The following AIG1 variants were observed in gnomAD, a reference collection of about 807,000 sequenced individuals.
AIG1 encodes androgen-induced gene 1 protein.
Under a neutral mutation model 31.4 loss-of-function variants are expected in AIG1, and 23 were observed. That is an observed-to-expected ratio of 0.73 (90% CI 0.53 to 1.04). AIG1 has a LOEUF of 1.04. Among genes scored for constraint, AIG1 ranks in the 50% least tolerant of loss-of-function variants. The probability of loss-of-function intolerance (pLI) is 0.00; values close to 1 mark genes in which losing one functional copy is unlikely to be tolerated. For missense variants in AIG1, 274 were observed against 295.0 expected (o/e 0.93, Z 0.52); for synonymous variants, 100 against 110.5 (o/e 0.90, Z 0.60).
intron 3 of AIG1, among the ~76,000 whole-genome samples, chr6:143,224,687 A>G (rs1172216752): frequency 3.9e-5 from 6 of 152,176 alleles, no homozygotes; most frequent in Non-Finnish European, 7.4e-5. Flanking sequence ...GTAATGTAGT[A>G]GGTCCTCAAT....
intron 2 of AIG1, among the ~76,000 whole-genome samples, chr6:143,140,571 C>G (rs889653638): frequency 8.5e-5 from 13 of 152,160 alleles, no homozygotes; most frequent in African/African-American, 2.7e-4. Flanking sequence ...CTCCCTGGAG[C>G]AATGCCACAA....
chr6:143,068,608 T>C (rs1486648243), intron 1 of AIG1, among the ~76,000 whole-genome samples: 18 of 152,198 alleles, frequency 1.2e-4, no homozygotes, highest in Admixed American at 1.2e-3. Flanking sequence ...AAAATTAATT[T>C]CAAAAGCGAT....
chr6:143,106,557 C>A (rs1780824886), intron 1 of AIG1, among the ~76,000 whole-genome samples: 1 of 152,162 alleles, frequency 6.6e-6, no homozygotes, highest in Non-Finnish European at 1.5e-5. Flanking sequence ...ACTTAGGCCT[C>A]CCCAAAATAT....
intron 3 of AIG1, among the ~76,000 whole-genome samples, chr6:143,181,798 G>T (rs1243832123): frequency 6.6e-6 from 1 of 151,582 alleles, no homozygotes; most frequent in African/African-American, 2.4e-5. Context: ...AAGAGAAAAA[G>T]AAGGATAGTA....
chr6:143,260,629 G>T (rs892872385), intron 3 of AIG1, among the ~76,000 whole-genome samples: 3 of 152,172 alleles, frequency 2.0e-5, no homozygotes, highest in African/African-American at 7.2e-5. Flanking sequence ...CTTACCTTGT[G>T]CCAGGTACTG....
chr6:143,293,548 A>C lies in AIG1; in HGVS notation c.515+9323A>C, dbSNP rs752744144. Among the ~76,000 whole-genome samples, 4 of 152,146 alleles carry C rather than the reference A, an allele frequency of 2.6e-5. No individual in the cohort carries two copies. Among genetic ancestry groups the C allele is most frequent in the Non-Finnish European group, 5.9e-5 (4 of 68,018 alleles). On this transcript the variant is annotated intron_variant, in intron 4 of 5. Coordinates refer to ENST00000357847, the MANE Select transcript of AIG1 (RefSeq NM_016108.4). The surrounding 1 kb of genome is among the most constrained non-coding windows in gnomAD (Gnocchi z 4.8). ...TTGCCCTTGGTGCCTGAGAATGTCCACTTGGGTGTTGGTCAAATCAGCTTC... is the reference window on the plus strand; with the variant it reads ...TTGCCCTTGGTGCCTGAGAATGTCCCCTTGGGTGTTGGTCAAATCAGCTTC...
At chr6:143,259,318 T>G (rs1778733994) in intron 3 of AIG1, among the ~76,000 whole-genome samples, 1 of 152,222 alleles carries the variant, frequency 6.6e-6, no homozygotes, top group Non-Finnish European at 1.5e-5. Flanking sequence ...TTTTTAGTCC[T>G]AATTTTGCCT....
At chr6:143,282,599 A>G (rs1055070357) in intron 3 of AIG1, among the ~76,000 whole-genome samples, 2 of 152,250 alleles carry the variant, frequency 1.3e-5, no homozygotes, top group African/African-American at 4.8e-5. Flanking sequence ...GATAAAAGAT[A>G]AAGAAATATA....
intron 2 of AIG1, among the ~76,000 whole-genome samples, chr6:143,150,219 C>A (rs1168931762): frequency 6.6e-6 from 1 of 152,180 alleles, no homozygotes; most frequent in Non-Finnish European, 1.5e-5. Context: ...GCATCCTGAG[C>A]CCTATTGTTC....
At chr6:143,180,373 C>T (rs1396456625) in intron 3 of AIG1, among the ~76,000 whole-genome samples, 2 of 152,170 alleles carry the variant, frequency 1.3e-5, no homozygotes, top group African/African-American at 4.8e-5. Context: ...AAGCCAACAG[C>T]ATAGTCCCCA....
intron 3 of AIG1, among the ~76,000 whole-genome samples, chr6:143,201,699 T>C (rs9390069): frequency 0.04 from 6,088 of 152,310 alleles, 377 homozygotes; most frequent in African/African-American, 0.13. Context: ...CCAACCTTTA[T>C]TAACGCTTAA....
chr6:143,314,985 A>C (rs1272732700), intron 4 of AIG1, among the ~76,000 whole-genome samples: 2 of 152,122 alleles, frequency 1.3e-5, no homozygotes, highest in Non-Finnish European at 2.9e-5. Flanking sequence ...TTGGCCAACA[A>C]CTGTTGGAGA....
rs147482222 is a variant in AIG1, at chr6:143,176,520, C to T, written c.399+11337C>T. 3.2e-3 allele frequency among the ~76,000 whole-genome samples: 480 copies of T among 151,350 alleles called. 14 individuals are homozygous for T. In the East Asian group the frequency reaches 0.062, roughly 19 times the overall value. On this transcript the variant is annotated intron_variant, in intron 3 of 5. Transcript: ENST00000357847. ...AGACTCTTCTTCGGCAGGGCTTGCT[C>T]CAGCTGCTGTGGGAGATTGGGGGTG...
intron 3 of AIG1, chr6:143,189,588 G>A: frequency 1.0e-6 from 1 of 985,368 alleles, no homozygotes; most frequent in Non-Finnish European, 1.2e-6. Flanking sequence ...GTTCTGACAG[G>A]AAACTCAGAA....
chr6:143,128,266 A>G (rs1782873202), intron 1 of AIG1, among the ~76,000 whole-genome samples: 2 of 152,238 alleles, frequency 1.3e-5, no homozygotes, highest in South Asian at 4.1e-4. Context: ...TTAAAATCTA[A>G]CATGACTCAG....
intron 1 of AIG1, among the ~76,000 whole-genome samples, chr6:143,063,868 C>G (rs1776469237): frequency 6.6e-6 from 1 of 152,180 alleles, no homozygotes; most frequent in African/African-American, 2.4e-5. Context: ...AGTGGCCATT[C>G]TGGCTGTATT....
rs190927554 is a variant in AIG1 at position 143,101,258 on chromosome 6, C to T, written c.142-35577C>T. On this transcript the variant is annotated intron_variant, in intron 1 of 5. Transcript: ENST00000357847. ...ATCTCGGAGACCACTGAGACCAATGCAGGAAAATATCCTGGAGTGCACAGT... is the reference window on the plus strand; with the variant it reads ...ATCTCGGAGACCACTGAGACCAATGTAGGAAAATATCCTGGAGTGCACAGT... Among the ~76,000 whole-genome samples the T allele has an allele frequency of 2.7e-4, 41 of 152,016 alleles. No individual in the cohort carries two copies. The East Asian group carries it at 7.6e-3, about 28-fold the overall frequency.
At chr6:143,170,971 G>A (rs940913802) in intron 3 of AIG1, among the ~76,000 whole-genome samples, 1 of 151,904 alleles carries the variant, frequency 6.6e-6, no homozygotes, top group East Asian at 1.9e-4. Flanking sequence ...ACAACATTAA[G>A]GAAACAAATA....
chr6:143,335,210 A>G (rs1431386595), intron 5 of AIG1: 2 of 1,193,264 alleles, frequency 1.7e-6, no homozygotes, highest in African/African-American at 3.2e-5. Context: ...TACATCGTGG[A>G]ATTTTTGTTT....
Sources: allele counts gnomAD v4.1 joint callset (sites outside exome capture counted in the v4.1 genomes callset), GRCh38; gene constraint gnomAD v4.1.1; non-coding constraint Gnocchi (gnomAD v3.1); transcripts MANE v1.5; gene names NCBI Gene and HGNC (gene_info 2026-07-23, HGNC 2026-07-21).